Variants in SLC17A1 observed in about 807,000 individuals in gnomAD.
SLC17A1 encodes sodium-dependent phosphate transport protein 1.
A neutral mutation model predicts 53.5 loss-of-function variants in SLC17A1; 51 were observed. The ratio of observed to expected loss-of-function variants is 0.95; its 90% CI spans 0.76 to 1.20. SLC17A1 has a LOEUF of 1.20. SLC17A1 is among the 50% of genes most tolerant of loss of function. The probability of loss-of-function intolerance (pLI) is 0.00; values close to 1 mark genes in which losing one functional copy is unlikely to be tolerated. For synonymous variants in SLC17A1, 179 were observed against 198.8 expected (o/e 0.90, Z 0.84); for missense variants, 538 against 568.2 (o/e 0.95, Z 0.54).
chr6:25,800,430 A>G (rs2151481001), intron 11 of SLC17A1, among the ~76,000 whole-genome samples: 1 of 152,256 alleles, frequency 6.6e-6, no homozygotes, highest in Non-Finnish European at 1.5e-5. Flanking sequence ...GGGCATTTTC[A>G]GTGTCCTTAA....
At chr6:25,805,001 CA>C (rs2151485263) in intron 10 of SLC17A1, among the ~76,000 whole-genome samples, 1 of 152,128 alleles carries the variant, frequency 6.6e-6, no homozygotes, top group African/African-American at 2.4e-5. Context: ...AACAAAGAAA[CA>C]ATAAACTTAA....
chr6:25,775,604 T>C, the SLC17A1 span, among the ~76,000 whole-genome samples: 1 of 151,844 alleles, frequency 6.6e-6, no homozygotes, highest in South Asian at 2.1e-4. Flanking sequence ...CCTGGCTAAT[T>C]TTTTGTGGAG....
chr6:25,768,991 G>T, the SLC17A1 span: 1 of 1,613,882 alleles, frequency 6.2e-7, no homozygotes, highest in Non-Finnish European at 8.5e-7. Flanking sequence ...TCAGGTTTTT[G>T]TTCAGTCCGA....
the SLC17A1 span, chr6:25,771,155 A>C: frequency 1.5e-6 from 1 of 686,910 alleles, no homozygotes; most frequent in Non-Finnish European, 2.6e-6. Context: ...TTTAACATTT[A>C]AGTTTCAGCA....
chr6:25,805,597 G>A (rs1763924817), intron 10 of SLC17A1, among the ~76,000 whole-genome samples: 1 of 151,890 alleles, frequency 6.6e-6, no homozygotes, highest in African/African-American at 2.4e-5. Flanking sequence ...CTGGCTCTTT[G>A]AAGAGATAAA....
At chr6:25,831,357 T>A (rs1312712861) in intron 1 of SLC17A1, among the ~76,000 whole-genome samples, 1 of 152,172 alleles carries the variant, frequency 6.6e-6, no homozygotes, top group Non-Finnish European at 1.5e-5. Context: ...ACCAAAGTCC[T>A]GAGATTGGAT....
intron 12 of SLC17A1, among the ~76,000 whole-genome samples, chr6:25,785,116 A>C (rs1763353243): frequency 6.6e-6 from 1 of 152,180 alleles, no homozygotes; most frequent in Non-Finnish European, 1.5e-5. Context: ...GCAATGAGCC[A>C]TCCAAAAATG....
the SLC17A1 span, among the ~76,000 whole-genome samples, chr6:25,739,806 G>A: frequency 6.6e-6 from 1 of 152,158 alleles, no homozygotes; most frequent in South Asian, 2.1e-4. Flanking sequence ...GGGATAGCAT[G>A]AGGTGTGGTT....
intron 3 of SLC17A1, 115 bp from the exon 4 acceptor site, chr6:25,820,030 A>C (rs1262186176): frequency 1.6e-6 from 1 of 645,120 alleles, no homozygotes; most frequent in African/African-American, 1.8e-5. Context: ...CTCCCCTCTT[A>C]CTAGTATTCT....
chr6:25,813,009 T>A lies in SLC17A1; in HGVS notation c.736-17A>T. The A allele has an allele frequency of 1.2e-6, 2 of 1,613,644 alleles. No homozygotes were observed. The highest frequency in any genetic ancestry group is 1.7e-6 in the Non-Finnish European group (2 of 1,179,758). On this transcript the variant is annotated splice_polypyrimidine_tract_variant and intron_variant, in intron 7 of 12. Transcript: ENST00000244527. The stretch of plus-strand genomic sequence containing the variant: ...TGAACTGACCTGGAGAGAAATTCAT[T>A]AAGAATTAGCACATTAGAACAAACT...
chr6:25,744,910 G>A, the SLC17A1 span, among the ~76,000 whole-genome samples: 8 of 152,282 alleles, frequency 5.3e-5, no homozygotes, highest in African/African-American at 1.9e-4. Context: ...TATTATTTCA[G>A]TACCCCAAAA....
At position 25,826,635 on chromosome 6, in the gene SLC17A1, T is replaced by A; in HGVS notation, c.35-2A>T. On this transcript the variant is annotated splice_acceptor_variant, in intron 2 of 12. Coordinates refer to ENST00000244527, the MANE Select transcript of SLC17A1 (RefSeq NM_005074.5). LOFTEE classifies it high-confidence loss of function. ...AGCGAAAGGAACAGAAACCTGGAAC[T>A]ACAAAGTAAAACAGAAAGTCGCAAT... 1 of 1,556,358 alleles carries A rather than the reference T, an allele frequency of 6.4e-7. No homozygotes were observed. Among genetic ancestry groups the A allele is most frequent in the Non-Finnish European group, 8.7e-7 (1 of 1,147,984 alleles).
At chr6:25,726,575 G>C in the SLC17A1 span, 1 of 1,563,922 alleles carries the variant, frequency 6.4e-7, no homozygotes, top group Admixed American at 1.8e-5. Context: ...TTCTAGGGCT[G>C]CTACTGGGCC....
chr6:25,811,095 G>C (rs1327814347), intron 10 of SLC17A1, among the ~76,000 whole-genome samples: 1 of 152,136 alleles, frequency 6.6e-6, no homozygotes, highest in African/African-American at 2.4e-5. Context: ...CACTGGGAGT[G>C]AGATGTTAGC....
intron 10 of SLC17A1, among the ~76,000 whole-genome samples, chr6:25,801,246 A>G (rs1763749890): frequency 6.6e-6 from 1 of 152,216 alleles, no homozygotes; most frequent in East Asian, 1.9e-4. Flanking sequence ...GTAGAATTAG[A>G]AAATATGTAA....
At chr6:25,801,196 T>C (rs1360912071) in intron 10 of SLC17A1, among the ~76,000 whole-genome samples, 1 of 151,834 alleles carries the variant, frequency 6.6e-6, no homozygotes, top group African/African-American at 2.4e-5. Context: ...AAGAATATGA[T>C]GATATTAATA....
At chr6:25,829,222 T>A (rs1456824230) in intron 2 of SLC17A1, among the ~76,000 whole-genome samples, 2 of 152,076 alleles carry the variant, frequency 1.3e-5, no homozygotes, top group Non-Finnish European at 2.9e-5. Context: ...GTCCTAGCGA[T>A]GCGATAGTGT....
At chr6:25,809,848 C>G (rs1764090650) in intron 10 of SLC17A1, among the ~76,000 whole-genome samples, 1 of 152,044 alleles carries the variant, frequency 6.6e-6, no homozygotes, top group Non-Finnish European at 1.5e-5. Flanking sequence ...AGGCAGCACA[C>G]TATCTGACTT....
At chr6:25,727,751 G>A in the SLC17A1 span, among the ~76,000 whole-genome samples, 13 of 152,194 alleles carry the variant, frequency 8.5e-5, 1 homozygote, top group East Asian at 1.6e-3. Flanking sequence ...GCTAGGCACC[G>A]TGACTCGCCT....
Sources: allele counts gnomAD v4.1 joint callset (sites outside exome capture counted in the v4.1 genomes callset), GRCh38; gene constraint gnomAD v4.1.1; transcripts MANE v1.5; gene names NCBI Gene and HGNC (gene_info 2026-07-23, HGNC 2026-07-21).